Variants in MEIOSIN observed in about 807,000 individuals in gnomAD.
MEIOSIN encodes the protein meiosis initiator.
Under a neutral mutation model 23.4 loss-of-function variants are expected in MEIOSIN, and 18 were observed. That is an observed-to-expected ratio of 0.77 (90% CI 0.53 to 1.14). The LOEUF (loss-of-function observed/expected upper bound fraction) is 1.14, where lower values mean the gene tolerates loss of function less well. Ranked by LOEUF, MEIOSIN falls within the 50% of genes most tolerant of loss-of-function variation. MEIOSIN has a pLI of 0.00. For synonymous variants in MEIOSIN, 187 were observed against 100.6 expected (o/e 1.86, Z -5.14); for missense variants, 428 against 242.9 (o/e 1.76, Z -5.07).
chr19:45,749,886 C>T (rs1968665825), intron 4 of MEIOSIN, among the ~76,000 whole-genome samples: 1 of 150,944 alleles, frequency 6.6e-6, no homozygotes, highest in Non-Finnish European at 1.5e-5. Context: ...CACCTCTAGT[C>T]CCAGCTACTC....
chr19:45,753,589 G>A lies in MEIOSIN; in HGVS notation c.419-62G>A. 9 of 657,296 alleles carry A rather than the reference G, an allele frequency of 1.4e-5. No individual in the cohort carries two copies. The South Asian group carries it at 1.5e-4, about 11-fold the overall frequency. 40.7% of individuals were successfully genotyped at this position (657,296 alleles called of 1,614,324 possible). ...CTGAGGAGCATTGTCTGGAAGGCAG[G>A]AACTGCAGTTGGATGCAGATGGGGT... On this transcript the variant is annotated intron_variant, in intron 5 of 14. Coordinates refer to ENST00000457052, the MANE Select transcript of MEIOSIN (RefSeq NM_001310124.2).
In MEIOSIN at chr19:45,754,664, G is replaced by C. The variant is rs1568558535; in HGVS notation, c.742G>C (p.Gly248Arg). The change falls in exon 7 of 15, where the codon GGA becomes CGA. Residue 248 changes from glycine (G) to arginine (R), a missense_variant. Physicochemically the swap from Gly to Arg is moderately radical, Grantham distance 125 (BLOSUM62 -2). Coordinates refer to ENST00000457052, the MANE Select transcript of MEIOSIN (RefSeq NM_001310124.2). ...CTCACCTCCAGGTGACAGAAAAGGA[G>C]GACAGTCCCAGCTGACGCTGTTGGA... ...SSSPPGDRKGGQSQLTLLDLA... is the reference protein window; with the variant it reads ...SSSPPGDRKGRQSQLTLLDLA... 2 of 703,082 alleles carry C rather than the reference G, an allele frequency of 2.8e-6. No individual in the cohort carries two copies. The highest frequency in any genetic ancestry group is 2.6e-6 in the Non-Finnish European group (1 of 385,032). 43.6% of individuals were successfully genotyped at this position (703,082 alleles called of 1,614,324 possible). A position where few individuals can be genotyped will look rare whatever the true frequency, so the allele number is the denominator to read the frequency against.
At chr19:45,749,491 T>C (rs1266144514) in intron 4 of MEIOSIN, among the ~76,000 whole-genome samples, 8 of 148,386 alleles carry the variant, frequency 5.4e-5, no homozygotes, top group African/African-American at 2.0e-4. Context: ...CTGGCTAACA[T>C]GGTGAAACCC....
chr19:45,752,473 C>T (rs1968732307), intron 5 of MEIOSIN, among the ~76,000 whole-genome samples: 2 of 152,112 alleles, frequency 1.3e-5, no homozygotes, highest in South Asian at 2.1e-4. Context: ...TCCTAAAGTG[C>T]TGGGATGACA....
intron 5 of MEIOSIN, among the ~76,000 whole-genome samples, chr19:45,752,995 A>G (rs1315669712): frequency 9.7e-5 from 13 of 133,466 alleles, no homozygotes; most frequent in Non-Finnish European, 2.0e-4. Context: ...GAAATTTCGG[A>G]TCACTGCAAG....
chr19:45,735,656 G>A (rs575603698), intron 2 of MEIOSIN, among the ~76,000 whole-genome samples: 1 of 152,138 alleles, frequency 6.6e-6, no homozygotes, highest in Non-Finnish European at 1.5e-5. Flanking sequence ...GAGGTGATCG[G>A]CAAAGATCAT....
intron 14 of MEIOSIN, among the ~76,000 whole-genome samples, chr19:45,763,676 C>T (rs573434188): frequency 2.0e-5 from 3 of 152,274 alleles, no homozygotes; most frequent in South Asian, 2.1e-4. Flanking sequence ...CTCTGCCACA[C>T]GACTTTCTCG....
At chr19:45,736,660 C>T (rs1276108986) in intron 2 of MEIOSIN, among the ~76,000 whole-genome samples, 1 of 152,156 alleles carries the variant, frequency 6.6e-6, no homozygotes, top group East Asian at 1.9e-4. Context: ...GCTCAACCTC[C>T]CGGATTCACG....
chr19:45,742,753 C>G (rs138851616), intron 3 of MEIOSIN, among the ~76,000 whole-genome samples: 10 of 151,584 alleles, frequency 6.6e-5, no homozygotes, highest in African/African-American at 2.4e-4. Context: ...GCTGAGATCG[C>G]GCCACTGCAC....
At position 45,757,234 on chromosome 19, in the gene MEIOSIN, T is replaced by C; in HGVS notation, c.969T>C (p.Ala323=). The change falls in exon 9 of 15, where the codon GCT becomes GCC. Residue 323 remains alanine (A), a synonymous_variant. Transcript: ENST00000457052. The part of the protein sequence containing the change: ...SEDVDKGSLD[A]DPWLPAWTPE... ...ATGTGGACAAAGGGTCCCTAGACGC[T>C]GACCCTTGGCTCCCTGCCTGGACCC... The C allele has an allele frequency of 1.4e-6, 1 of 703,024 alleles. No individual in the cohort carries two copies. Among genetic ancestry groups the C allele is most frequent in the Non-Finnish European group, 2.6e-6 (1 of 384,978 alleles). 43.5% of individuals were successfully genotyped at this position (703,024 alleles called of 1,614,324 possible).
At position 45,763,872 on chromosome 19, in the gene MEIOSIN, G is replaced by A. The variant is rs113425569; in HGVS notation, c.1770-99G>A. ...AGGCTCGCCCAATAGAGGCTAAAAC[G>A]GTGGCCCAGGCCCCTGCGGGGACAC... On this transcript the variant is annotated intron_variant, in intron 14 of 14. Coordinates refer to ENST00000457052, the MANE Select transcript of MEIOSIN (RefSeq NM_001310124.2). 166 of 398,120 alleles carry A rather than the reference G, an allele frequency of 4.2e-4. 1 individual carries two copies. Among genetic ancestry groups the A allele is most frequent in the African/African-American group, 2.5e-3 (124 of 48,722 alleles). The allele number at this position is 398,120 out of a possible 1,614,324, so 24.7% of individuals were successfully genotyped here.
rs534719182 is a variant in MEIOSIN at position 45,761,698 on chromosome 19, C to G, written c.1265C>G (p.Pro422Arg). 1.7e-4 allele frequency: 116 copies of G among 702,926 alleles called. 1 individual carries two copies. In the Admixed American group the frequency reaches 2.2e-3, roughly 13 times the overall value. 43.5% of individuals were successfully genotyped at this position (702,926 alleles called of 1,614,324 possible). The change falls in exon 12 of 15, where the codon CCC (proline) becomes CGC (arginine). Residue 422 changes from proline to arginine, a missense_variant. Coordinates refer to ENST00000457052, the MANE Select transcript of MEIOSIN (RefSeq NM_001310124.2). ...CCCCAGGACACAGCCTCCAAGGCCC[C>G]CAAAGACCCTCCTGAGTCCCACAGC... ...PQEKDTASKA[P>R]KDPPESHSLH...
intron 11 of MEIOSIN, among the ~76,000 whole-genome samples, chr19:45,761,065 C>G (rs1968930245): frequency 6.6e-6 from 1 of 151,468 alleles, no homozygotes; most frequent in Admixed American, 6.6e-5. Context: ...CTCAAATGAC[C>G]CTCCCACACC....
chr19:45,757,916 T>C (rs531287782), intron 9 of MEIOSIN, among the ~76,000 whole-genome samples: 3 of 151,992 alleles, frequency 2.0e-5, no homozygotes, highest in Non-Finnish European at 4.4e-5. Context: ...AGGCCTCCAA[T>C]TCCTGGACTC....
chr19:45,743,095 C>T (rs1968534871), intron 3 of MEIOSIN, among the ~76,000 whole-genome samples: 1 of 152,150 alleles, frequency 6.6e-6, no homozygotes, highest in South Asian at 2.1e-4. Flanking sequence ...GGTTGTACTT[C>T]TTCAGGACTA....
At chr19:45,735,975 C>T (rs938962552) in intron 2 of MEIOSIN, among the ~76,000 whole-genome samples, 1 of 152,068 alleles carries the variant, frequency 6.6e-6, no homozygotes, top group African/African-American at 2.4e-5. Flanking sequence ...CCATGCCCAG[C>T]CCATTTCTTT....
chr19:45,752,250 C>T (rs971126622), intron 5 of MEIOSIN, among the ~76,000 whole-genome samples: 20 of 151,704 alleles, frequency 1.3e-4, no homozygotes, highest in African/African-American at 4.8e-4. Context: ...GAGTTTCTCT[C>T]TGTCGCCCAG....
At chr19:45,759,311 C>T (rs578105242) in intron 10 of MEIOSIN, 103 bp from the exon 11 acceptor site, 21 of 669,634 alleles carry the variant, frequency 3.1e-5, no homozygotes, top group East Asian at 8.1e-5. Flanking sequence ...TGAAGGAGAA[C>T]GCCAGAGACG....
chr19:45,751,124 T>G (rs1968695493), intron 5 of MEIOSIN, among the ~76,000 whole-genome samples: 3 of 151,726 alleles, frequency 2.0e-5, no homozygotes, highest in African/African-American at 4.8e-5. Flanking sequence ...AATACAAAAA[T>G]TAGCTGGTGT....
Sources: allele counts gnomAD v4.1 joint callset (sites outside exome capture counted in the v4.1 genomes callset), GRCh38; gene constraint gnomAD v4.1.1; transcripts MANE v1.5; gene names NCBI Gene and HGNC (gene_info 2026-07-23, HGNC 2026-07-21).